ARHGEF18: variants seen among roughly 807,000 people sequenced by gnomAD.
ARHGEF18 encodes the protein rho guanine nucleotide exchange factor 18.
A neutral mutation model predicts 155.7 loss-of-function variants in ARHGEF18; 93 were observed. That is an observed-to-expected ratio of 0.60 (90% CI 0.50 to 0.71). The LOEUF (loss-of-function observed/expected upper bound fraction) is 0.71. Among genes scored for constraint, ARHGEF18 ranks in the 30% least tolerant of loss-of-function variants. ARHGEF18 has a pLI of 0.00. For synonymous variants in ARHGEF18, 742 were observed against 753.1 expected (o/e 0.99, Z 0.24); for missense variants, 1,593 against 1,816.1 (o/e 0.88, Z 2.23).
intron 2 of ARHGEF18, among the ~76,000 whole-genome samples, chr19:7,363,439 A>T (rs189333938): frequency 6.6e-6 from 1 of 151,838 alleles, no homozygotes; most frequent in East Asian, 2.0e-4. Context: ...GGAAGTATGG[A>T]TGGATAGGTA....
rs1011006660 is a variant in ARHGEF18, at chr19:7,469,204, C to T, written c.3787+73C>T. On this transcript the variant is annotated intron_variant, in intron 27 of 28. Coordinates refer to ENST00000668164, the MANE Select transcript of ARHGEF18 (RefSeq NM_001367823.1). ...CAGGCTCTAGCGGCTCGCTGGGAGC[C>T]AGGAAATTCGGGACACCTGTGCCAT... is the stretch of plus-strand genomic sequence containing the variant. 6 of 1,455,688 alleles carry T rather than the reference C, an allele frequency of 4.1e-6. No individual in the cohort carries two copies. In the Admixed American group the frequency reaches 1.5e-4, roughly 35 times the overall value. The allele number at this position is 1,455,688 out of a possible 1,614,324, so 90.2% of individuals were successfully genotyped here.
At chr19:7,473,329 C>G (rs1400010193), downstream of ARHGEF18, 1 of 452,844 alleles carries the variant, frequency 2.2e-6, no homozygotes, top group South Asian at 1.6e-5. Context: ...ATGATGCAGG[C>G]CACGTGTGGA....
rs370796750 is a variant in ARHGEF18 at position 7,417,268 on chromosome 19, T to A, written c.968-23076T>A. ...GGGCTTCACTGAGAAGGTGGGCAGG[T>A]CAGACAAGATGGCTTACCACCTGTA... On this transcript the variant is annotated intron_variant, in intron 10 of 28. Transcript: ENST00000668164. 4.6e-5 allele frequency among the ~76,000 whole-genome samples: 7 copies of A among 152,064 alleles called. No homozygotes were observed. In the East Asian group the frequency reaches 1.2e-3, roughly 25 times the overall value.
chr19:7,362,067 G>GAA (rs1177689147), intron 1 of ARHGEF18, among the ~76,000 whole-genome samples: 16 of 29,662 alleles, frequency 5.4e-4, no homozygotes, highest in African/African-American at 4.3e-3. Context: ...AGGAGAAGGA[G>GAA]AAGGAGAAGG....
chr19:7,359,708 C>T (rs2145331419), intron 1 of ARHGEF18, among the ~76,000 whole-genome samples: 1 of 151,754 alleles, frequency 6.6e-6, no homozygotes, highest in East Asian at 1.9e-4. Flanking sequence ...CAGTATATGA[C>T]ACCAGGATCA....
At chr19:7,379,901 A>G (rs528832027) in intron 7 of ARHGEF18, among the ~76,000 whole-genome samples, 1 of 152,250 alleles carries the variant, frequency 6.6e-6, no homozygotes, top group East Asian at 1.9e-4. Flanking sequence ...GAGGTGGCTC[A>G]TGCCTATGAT....
chr19:7,368,086 T>A (rs1970026117), intron 2 of ARHGEF18, among the ~76,000 whole-genome samples: 3 of 151,154 alleles, frequency 2.0e-5, no homozygotes, highest in Admixed American at 1.3e-4. Flanking sequence ...CCATTTTGTT[T>A]GAAATTAAGC....
intron 15 of ARHGEF18, among the ~76,000 whole-genome samples, chr19:7,450,242 A>C (rs566439107): frequency 1.0e-5 from 1 of 98,054 alleles, no homozygotes; most frequent in Non-Finnish European, 2.2e-5. Flanking sequence ...TGAGATGTTA[A>C]TACAGGCTCT....
Position 7,378,464 on chromosome 19 carries a change from C to T in ARHGEF18, c.599+13C>T. The T allele has an allele frequency of 8.1e-7, 1 of 1,234,306 alleles. No individual in the cohort carries two copies. Among genetic ancestry groups the T allele is most frequent in the Non-Finnish European group, 1.0e-6 (1 of 988,216 alleles). The allele number at this position is 1,234,306 out of a possible 1,614,324, so 76.5% of individuals were successfully genotyped here. A position where few individuals can be genotyped will look rare whatever the true frequency, so the allele number is the denominator to read the frequency against. ...AACCAGATCACGTGTGAGTTTCTGC[C>T]TCGTGGTGGGGGAGGGACCCCCAGG... On this transcript the variant is annotated intron_variant, in intron 6 of 28. Transcript: ENST00000668164.
rs1253677212 is a variant in ARHGEF18 at position 7,441,902 on chromosome 19, C to G, written c.1220-10C>G. On this transcript the variant is annotated splice_polypyrimidine_tract_variant and intron_variant, in intron 12 of 28. Coordinates refer to ENST00000668164, the MANE Select transcript of ARHGEF18 (RefSeq NM_001367823.1). Reference sequence around the variant, plus strand: ...GGGCCCCCAGCAGCCACACCTCGCTCTTCCCTCAGATCCCTACACCGCCTC... The same window carrying G: ...GGGCCCCCAGCAGCCACACCTCGCTGTTCCCTCAGATCCCTACACCGCCTC... The G allele has an allele frequency of 5.6e-6, 9 of 1,613,980 alleles. No individual in the cohort carries two copies. The highest frequency in any genetic ancestry group is 7.6e-6 in the Non-Finnish European group (9 of 1,179,950).
chr19:7,451,392 T>C, intron 16 of ARHGEF18, 126 bp downstream of exon 16: 2 of 659,148 alleles, frequency 3.0e-6, no homozygotes, highest in African/African-American at 1.9e-5. Flanking sequence ...TGCTGGGTGC[T>C]GGGGTTCCTT....
chr19:7,450,593 T>C (rs1975337254), intron 15 of ARHGEF18, among the ~76,000 whole-genome samples: 1 of 6,754 alleles, frequency 1.5e-4, no homozygotes, highest in East Asian at 4.2e-3. Flanking sequence ...GCTTTCTGTT[T>C]CCAAGACATT....
At chr19:7,447,190 A>T in intron 15 of ARHGEF18, 22 bp downstream of exon 15, 2 of 1,587,966 alleles carry the variant, frequency 1.3e-6, no homozygotes, top group Non-Finnish European at 8.6e-7. Flanking sequence ...TTTTTTTTTT[A>T]ATCAAAAACT....
At chr19:7,381,690 A>G (rs747587214) in intron 8 of ARHGEF18, among the ~76,000 whole-genome samples, 1,896 of 128,160 alleles carry the variant, frequency 0.015, 32 homozygotes, top group African/African-American at 0.068. Flanking sequence ...AAATAAATAA[A>G]TAATAAATAA....
Position 7,466,817 on chromosome 19 carries a change from A to AGTT in ARHGEF18, c.2905-101_2905-100insGTT, listed in dbSNP as rs1480444160. The AGTT allele has an allele frequency of 1.2e-5, 13 of 1,098,258 alleles. No homozygotes were observed. The Middle Eastern group carries it at 7.2e-4, about 61-fold the overall frequency. The allele number at this position is 1,098,258 out of a possible 1,614,324, so 68.0% of individuals were successfully genotyped here. Reference sequence around the variant, plus strand: ...AGAATTCCGTCTCAAAAAAAAAAAAAAAAAAAAAAGTTAAAAAAAAAGAAG... The same window carrying AGTT: ...AGAATTCCGTCTCAAAAAAAAAAAAAGTTAAAAAAAAAGTTAAAAAAAAAGAAG... On this transcript the variant is annotated intron_variant, in intron 23 of 28. Coordinates refer to ENST00000668164, the MANE Select transcript of ARHGEF18 (RefSeq NM_001367823.1).
chr19:7,432,685 T>C (rs535480333), intron 10 of ARHGEF18, among the ~76,000 whole-genome samples: 3 of 152,314 alleles, frequency 2.0e-5, no homozygotes, highest in Middle Eastern at 3.4e-3. Flanking sequence ...TGGAGACTTA[T>C]GGACTAGGGC....
At chr19:7,419,635 T>C (rs1229962715) in intron 10 of ARHGEF18, among the ~76,000 whole-genome samples, 1 of 152,058 alleles carries the variant, frequency 6.6e-6, no homozygotes, top group Non-Finnish European at 1.5e-5. Context: ...GGGTTTCCTT[T>C]TCTCCATCAG....
chr19:7,427,038 C>T (rs925168431), intron 10 of ARHGEF18, among the ~76,000 whole-genome samples: 3 of 152,174 alleles, frequency 2.0e-5, no homozygotes, highest in African/African-American at 7.2e-5. Flanking sequence ...TGACCCTGGC[C>T]TCCTTTTTCC....
intron 2 of ARHGEF18, among the ~76,000 whole-genome samples, chr19:7,364,852 T>C (rs1224915333): frequency 6.6e-6 from 1 of 152,006 alleles, no homozygotes; most frequent in African/African-American, 2.4e-5. Flanking sequence ...AGTCAGGTGG[T>C]GTGTGTTGGG....
Sources: allele counts gnomAD v4.1 joint callset (sites outside exome capture counted in the v4.1 genomes callset), GRCh38; gene constraint gnomAD v4.1.1; transcripts MANE v1.5; gene names NCBI Gene and HGNC (gene_info 2026-07-23, HGNC 2026-07-21).